CWF19L2: variants seen among roughly 807,000 people sequenced by gnomAD.
The protein encoded by CWF19L2 is CWF19 like cell cycle control factor 2.
A neutral mutation model predicts 111.7 loss-of-function variants in CWF19L2; 98 were observed. The ratio of observed to expected loss-of-function variants is 0.88; its 90% CI spans 0.75 to 1.04. The LOEUF is 1.04. Ranked by LOEUF, CWF19L2 falls within the 50% of genes least tolerant of loss-of-function variation. CWF19L2 has a pLI of 0.00. For synonymous variants in CWF19L2, 351 were observed against 342.9 expected, an observed-to-expected ratio of 1.02 and a Z score of -0.26; for missense variants, 1,101 against 1,051.4, an observed-to-expected ratio of 1.05 and a Z score of -0.65.
intron 3 of CWF19L2, among the ~76,000 whole-genome samples, chr11:107,452,087 G>A (rs192878533): frequency 6.6e-6 from 1 of 152,114 alleles, no homozygotes; most frequent in East Asian, 1.9e-4. Context: ...CTGAAATAAG[G>A]CAACAACAAT....
rs1449813843 is a variant in CWF19L2, at chr11:107,448,840, G to A, written c.339+5610C>T. ...CAGACACAAAGTCTACCAGCGCCTC[G>A]ATCTTAGACTTTCTAGCCTCCCAAA... is the stretch of plus-strand genomic sequence containing the variant. On this transcript the variant is annotated intron_variant, in intron 3 of 17. Coordinates refer to ENST00000282251, the MANE Select transcript of CWF19L2 (RefSeq NM_152434.3). Among the ~76,000 whole-genome samples the A allele has an allele frequency of 5.3e-5, 8 of 152,194 alleles. No homozygotes were observed. In the South Asian group the frequency reaches 6.2e-4, roughly 12 times the overall value.
At chr11:107,451,454 A>G (rs546085816) in intron 3 of CWF19L2, among the ~76,000 whole-genome samples, 1 of 152,282 alleles carries the variant, frequency 6.6e-6, no homozygotes, top group East Asian at 1.9e-4. Context: ...AATATAGTTT[A>G]AATCAATGAA....
At chr11:107,344,813 T>C (rs999238804) in intron 14 of CWF19L2, among the ~76,000 whole-genome samples, 5 of 152,200 alleles carry the variant, frequency 3.3e-5, no homozygotes, top group Non-Finnish European at 5.9e-5. Flanking sequence ...TGGATCTTGT[T>C]TAAATTTTTT....
chr11:107,419,525 C>T lies in CWF19L2; in HGVS notation c.1434-1238G>A, dbSNP rs116755521. Among the ~76,000 whole-genome samples the T allele has an allele frequency of 2.6e-3, 401 of 152,088 alleles. 1 individual carries two copies. The highest frequency in any genetic ancestry group is 9.3e-3 in the African/African-American group (385 of 41,480). Reference sequence around the variant, plus strand: ...TCAGTCAAAATCAACCCAGAACTGACACAGATGTAAAAAACAGCAGACAAG... The same window carrying T: ...TCAGTCAAAATCAACCCAGAACTGATACAGATGTAAAAAACAGCAGACAAG... On this transcript the variant is annotated intron_variant, in intron 8 of 17. Coordinates refer to ENST00000282251, the MANE Select transcript of CWF19L2 (RefSeq NM_152434.3).
chr11:107,393,556 T>C (rs1033230831), intron 10 of CWF19L2, among the ~76,000 whole-genome samples: 3 of 152,146 alleles, frequency 2.0e-5, no homozygotes, highest in Non-Finnish European at 2.9e-5. Context: ...GGAAAAGAAA[T>C]TGTTATATCA....
intron 16 of CWF19L2, among the ~76,000 whole-genome samples, chr11:107,334,372 T>A (rs1223885006): frequency 6.6e-6 from 1 of 152,212 alleles, no homozygotes; most frequent in Non-Finnish European, 1.5e-5. Context: ...AACTATGAGG[T>A]ATGATTAGGC....
rs769167388 is a variant in CWF19L2, at chr11:107,384,965, A to C, written c.1872+5109T>G. ...ATTCATGAAACTATTTGACATAACT[A>C]AACTATATACCAGCAATATTACTAT... On this transcript the variant is annotated intron_variant, in intron 12 of 17. Coordinates refer to ENST00000282251, the MANE Select transcript of CWF19L2 (RefSeq NM_152434.3). 2.8e-4 allele frequency among the ~76,000 whole-genome samples: 42 copies of C among 152,360 alleles called. No homozygotes were observed. The Middle Eastern group carries it at 0.01, about 37-fold the overall frequency.
intron 2 of CWF19L2, 32 bp downstream of exon 2, chr11:107,455,634 T>G (rs1051138064): frequency 3.2e-6 from 4 of 1,259,216 alleles, no homozygotes; most frequent in Non-Finnish European, 4.5e-6. Flanking sequence ...AGGACAGATA[T>G]CCTTACATCA....
intron 3 of CWF19L2, among the ~76,000 whole-genome samples, chr11:107,446,366 C>T (rs1476351162): frequency 6.6e-6 from 1 of 152,234 alleles, no homozygotes; most frequent in Non-Finnish European, 1.5e-5. Context: ...TGTCTCTGCT[C>T]TCGCAATTCC....
intron 3 of CWF19L2, among the ~76,000 whole-genome samples, chr11:107,443,829 T>C (rs1052883970): frequency 6.6e-6 from 1 of 152,212 alleles, no homozygotes; most frequent in Non-Finnish European, 1.5e-5. Context: ...TTTATACCAA[T>C]TCCCATATTC....
intron 6 of CWF19L2, among the ~76,000 whole-genome samples, chr11:107,437,246 T>A (rs1336405169): frequency 6.6e-6 from 1 of 152,174 alleles, no homozygotes; most frequent in Non-Finnish European, 1.5e-5. Flanking sequence ...ATAGGTAATA[T>A]CATTATTCCC....
intron 14 of CWF19L2, among the ~76,000 whole-genome samples, chr11:107,337,632 T>C (rs550081363): frequency 2.0e-5 from 3 of 152,226 alleles, no homozygotes; most frequent in African/African-American, 7.2e-5. Context: ...CTAAGAATTC[T>C]GGATGAGCGC....
chr11:107,382,037 C>T (rs967779310), intron 12 of CWF19L2, among the ~76,000 whole-genome samples: 4 of 152,004 alleles, frequency 2.6e-5, no homozygotes, highest in African/African-American at 9.7e-5. Context: ...AAAATTACTG[C>T]CCACAGTCTC....
At position 107,406,455 on chromosome 11, in the gene CWF19L2, G is replaced by A. The variant is rs1041637695; in HGVS notation, c.1617+9754C>T. ...CACAAGTACCTGGCCAAGGCAGTGG[G>A]TGGACTGAACACCAAGCTACACTCT... On this transcript the variant is annotated intron_variant, in intron 10 of 17. Coordinates refer to ENST00000282251, the MANE Select transcript of CWF19L2 (RefSeq NM_152434.3). 3.9e-5 allele frequency among the ~76,000 whole-genome samples: 6 copies of A among 152,190 alleles called. No homozygotes were observed. In the East Asian group the frequency reaches 1.2e-3, roughly 29 times the overall value.
chr11:107,387,693 G>T (rs35784604), intron 12 of CWF19L2, among the ~76,000 whole-genome samples: 19,236 of 152,074 alleles, frequency 0.13, 1,426 homozygotes, highest in South Asian at 0.17. Context: ...TTAGATTCTT[G>T]TAAGGGGGTG....
chr11:107,436,144 C>T lies in CWF19L2; in HGVS notation c.665-2395G>A, dbSNP rs1391150156. On this transcript the variant is annotated intron_variant, in intron 6 of 17. Coordinates refer to ENST00000282251, the MANE Select transcript of CWF19L2 (RefSeq NM_152434.3). ...ACTCCAGCCTTGTGACAGAGCGAGA[C>T]TCCACACGCCCCCCGACCCAAAAAA... is the stretch of plus-strand genomic sequence containing the variant. Among the ~76,000 whole-genome samples the T allele has an allele frequency of 3.4e-5, 5 of 148,280 alleles. No homozygotes were observed. In the South Asian group the frequency reaches 8.6e-4, roughly 25 times the overall value.
At chr11:107,340,450 C>A (rs1199527605) in intron 14 of CWF19L2, among the ~76,000 whole-genome samples, 2 of 152,126 alleles carry the variant, frequency 1.3e-5, no homozygotes, top group Non-Finnish European at 2.9e-5. Flanking sequence ...TGCTTTTGCA[C>A]CTTTGTCAAA....
chr11:107,329,839 C>T (rs1467026763), intron 17 of CWF19L2, 79 bp downstream of exon 17: 8 of 1,119,794 alleles, frequency 7.1e-6, no homozygotes, highest in Admixed American at 5.4e-5. Context: ...TATACTGTGC[C>T]CAAAGTTTTT....
At chr11:107,357,064 A>G (rs2134550605) in intron 12 of CWF19L2, among the ~76,000 whole-genome samples, 1 of 152,192 alleles carries the variant, frequency 6.6e-6, no homozygotes, top group South Asian at 2.1e-4. Flanking sequence ...AACAAAAACA[A>G]AAACAAAAAC....
Sources: gnomAD v4.1 joint callset for allele counts (sites outside exome capture counted in the v4.1 genomes callset) on GRCh38, gnomAD v4.1.1 for gene constraint, MANE v1.5 for transcripts, NCBI Gene and HGNC (gene_info 2026-07-23, HGNC 2026-07-21) for gene names.